MAGI1: variants seen among roughly 807,000 people sequenced by gnomAD.
MAGI1 encodes the protein membrane associated guanylate kinase, WW and PDZ domain containing 1.
MAGI1 carries 58 observed loss-of-function variants against 139.9 expected under a neutral mutation model. The ratio of observed to expected loss-of-function variants is 0.41; its 90% confidence interval spans 0.34 to 0.52. The LOEUF is 0.52. Ranked by LOEUF, MAGI1 falls within the 20% of genes least tolerant of loss-of-function variation. The pLI is 0.12. For synonymous variants in MAGI1, 812 were observed against 737.9 expected, an observed-to-expected ratio of 1.10 and a Z score of -1.63; for missense variants, 1,874 against 1,901.6, an observed-to-expected ratio of 0.99 and a Z score of 0.27.
intron 2 of MAGI1, among the ~76,000 whole-genome samples, chr3:65,515,822 T>C (rs879810728): frequency 1.3e-5 from 2 of 152,088 alleles, no homozygotes; most frequent in Admixed American, 1.3e-4. Flanking sequence ...AGAGAAAAGG[T>C]ATTGCTATTT....
intron 1 of MAGI1, among the ~76,000 whole-genome samples, chr3:65,676,146 T>C (rs1454892544): frequency 6.6e-6 from 1 of 152,198 alleles, no homozygotes; most frequent in Non-Finnish European, 1.5e-5. Context: ...AACCCAAATA[T>C]ACATCTATAT....
chr3:65,607,845 T>C (rs557760924), intron 2 of MAGI1, among the ~76,000 whole-genome samples: 1 of 152,146 alleles, frequency 6.6e-6, no homozygotes, highest in Non-Finnish European at 1.5e-5. Context: ...CCACTGTCTT[T>C]CCTTTTGTAC....
At chr3:65,544,572 T>C (rs1364192342) in intron 2 of MAGI1, among the ~76,000 whole-genome samples, 1 of 152,172 alleles carries the variant, frequency 6.6e-6, no homozygotes, top group African/African-American at 2.4e-5. Flanking sequence ...AAGGAAGCAA[T>C]GCTACAACTC....
intron 10 of MAGI1, 49 bp from the exon 11 acceptor site, chr3:65,430,930 G>T (rs190356010): frequency 6.4e-7 from 1 of 1,550,586 alleles, no homozygotes; most frequent in Admixed American, 1.7e-5. Flanking sequence ...TGGTGAAAAG[G>T]AGAATTAAAC....
chr3:65,986,268 C>T (rs1168044129), intron 1 of MAGI1, among the ~76,000 whole-genome samples: 2 of 151,946 alleles, frequency 1.3e-5, no homozygotes, highest in East Asian at 3.9e-4. Context: ...CCCATATTAA[C>T]TTTTAAAAAA....
At chr3:65,718,731 G>A (rs975317925) in intron 1 of MAGI1, 11 of 151,776 alleles carry the variant, frequency 7.2e-5, no homozygotes, top group African/African-American at 2.2e-4. Context: ...ACATAAAAAC[G>A]GAGATGAAAA....
intron 2 of MAGI1, among the ~76,000 whole-genome samples, chr3:65,506,875 C>T (rs552828737): frequency 6.6e-6 from 1 of 152,140 alleles, no homozygotes; most frequent in South Asian, 2.1e-4. Context: ...CAATTCAAAA[C>T]AGATAAAAGA....
At chr3:65,397,468 G>A (rs931532709) in intron 13 of MAGI1, among the ~76,000 whole-genome samples, 10 of 152,052 alleles carry the variant, frequency 6.6e-5, no homozygotes, top group African/African-American at 1.7e-4. Flanking sequence ...TCTTCAATGC[G>A]GATGGGCACT....
intron 1 of MAGI1, among the ~76,000 whole-genome samples, chr3:65,974,665 A>G (rs538523205): frequency 1.3e-5 from 2 of 151,942 alleles, no homozygotes; most frequent in Admixed American, 1.3e-4. Context: ...TCCAAAGGAT[A>G]CTCTTCCAAG....
intron 12 of MAGI1, among the ~76,000 whole-genome samples, chr3:65,406,502 T>A (rs1216754716): frequency 6.6e-6 from 1 of 152,152 alleles, no homozygotes; most frequent in African/African-American, 2.4e-5. Flanking sequence ...ACTATTTTTG[T>A]CATCAATTTA....
chr3:65,816,093 C>T (rs1403268726), intron 1 of MAGI1, among the ~76,000 whole-genome samples: 1 of 152,156 alleles, frequency 6.6e-6, no homozygotes, highest in African/African-American at 2.4e-5. Context: ...ATAGTGGTGC[C>T]TGGGTCCGAG....
chr3:65,654,766 A>G (rs2085778423), intron 1 of MAGI1, among the ~76,000 whole-genome samples: 1 of 152,172 alleles, frequency 6.6e-6, no homozygotes, highest in Non-Finnish European at 1.5e-5. Flanking sequence ...CAGGGCATGA[A>G]GTGAACATCT....
At chr3:65,678,952 C>G (rs988746318) in intron 1 of MAGI1, among the ~76,000 whole-genome samples, 3 of 152,134 alleles carry the variant, frequency 2.0e-5, no homozygotes, top group Non-Finnish European at 4.4e-5. Context: ...TAAGAATCAT[C>G]CCATCTTCCA....
intron 2 of MAGI1, among the ~76,000 whole-genome samples, chr3:65,524,577 C>T (rs937527600): frequency 6.6e-6 from 1 of 152,066 alleles, no homozygotes; most frequent in East Asian, 1.9e-4. Context: ...CAAATAGAAA[C>T]GAGGATGTAG....
chr3:65,582,575 G>A (rs761174277), intron 2 of MAGI1, among the ~76,000 whole-genome samples: 3 of 150,306 alleles, frequency 2.0e-5, no homozygotes, highest in Non-Finnish European at 4.4e-5. Flanking sequence ...CATGCCTGAC[G>A]ATTCTGAGTA....
At chr3:65,611,550 A>G (rs944788849) in intron 2 of MAGI1, among the ~76,000 whole-genome samples, 2 of 145,370 alleles carry the variant, frequency 1.4e-5, no homozygotes, top group African/African-American at 5.0e-5. Flanking sequence ...TATACTATAT[A>G]CTGTATATAC....
At chr3:65,727,386 G>A (rs1464529649) in intron 1 of MAGI1, among the ~76,000 whole-genome samples, 1 of 152,112 alleles carries the variant, frequency 6.6e-6, no homozygotes, top group Non-Finnish European at 1.5e-5. Context: ...AAGAAACAGG[G>A]AGTTATTCCA....
chr3:65,954,231 C>T (rs1471704765), intron 1 of MAGI1, among the ~76,000 whole-genome samples: 1 of 152,040 alleles, frequency 6.6e-6, no homozygotes, highest in Non-Finnish European at 1.5e-5. Flanking sequence ...ATTTTTGGGC[C>T]AGATGAAATT....
chr3:66,038,484 TA>T lies in MAGI1; in HGVS notation c.-177del. ...ACACGCTCGCGCACTCAAGCCATCA[TA>T]AAACAAACTTTCTGGGCTTCCCCGC... On this transcript the variant is annotated 5_prime_UTR_variant, in exon 1 of 23. An upstream open reading frame in the 5' UTR loses its in-frame stop. Transcript: ENST00000402939. 1.1e-6 allele frequency: 1 copy of T among 888,844 alleles called. No individual in the cohort carries two copies. The highest frequency in any genetic ancestry group is 1.6e-6 in the Non-Finnish European group (1 of 634,040). 55.1% of individuals were successfully genotyped at this position (888,844 alleles called of 1,614,324 possible).
Sources: gnomAD v4.1 joint callset for allele counts (sites outside exome capture counted in the v4.1 genomes callset) on GRCh38, gnomAD v4.1.1 for gene constraint, MANE v1.5 for transcripts, NCBI Gene and HGNC (gene_info 2026-07-23, HGNC 2026-07-21) for gene names.